CELF2: variants seen among roughly 807,000 people sequenced by gnomAD.
CELF2 encodes CUG triplet repeat RNA-binding protein 2.
Under a neutral mutation model 62.6 loss-of-function variants are expected in CELF2, and 8 were observed. That is an observed-to-expected ratio of 0.13 (90% CI 0.07 to 0.23). The LOEUF (loss-of-function observed/expected upper bound fraction) is 0.23, where lower values mean the gene tolerates loss of function less well. CELF2 is among the 10% of genes least tolerant of loss of function. CELF2 has a pLI of 1.00. For missense variants in CELF2, 333 were observed against 671.0 expected, an observed-to-expected ratio of 0.50 and a Z score of 5.56; for synonymous variants, 258 against 250.0, an observed-to-expected ratio of 1.03 and a Z score of -0.30.
At chr10:10,962,039 G>A (rs1450463505) in intron 2 of CELF2, among the ~76,000 whole-genome samples, 1 of 151,910 alleles carries the variant, frequency 6.6e-6, no homozygotes, top group Non-Finnish European at 1.5e-5. Flanking sequence ...ACCAGCCTGG[G>A]CAACATTATA....
the CELF2 span, among the ~76,000 whole-genome samples, chr10:10,658,899 A>G: frequency 4.3e-3 from 657 of 152,258 alleles, 5 homozygotes; most frequent in African/African-American, 0.015. Context: ...TTTTAGAATT[A>G]CAGAAACTAC....
chr10:11,094,359 T>G (rs2142090673), intron 1 of CELF2, among the ~76,000 whole-genome samples: 1 of 152,360 alleles, frequency 6.6e-6, no homozygotes, highest in Middle Eastern at 3.4e-3. Context: ...ATAGAGGTTC[T>G]GGTTACTAGG....
At chr10:11,196,804 A>G (rs755295367) in intron 2 of CELF2, among the ~76,000 whole-genome samples, 17 of 151,568 alleles carry the variant, frequency 1.1e-4, no homozygotes, top group Non-Finnish European at 2.1e-4. Flanking sequence ...AAAAAATACA[A>G]AAATTAGCCA....
At chr10:10,575,734 A>G in the CELF2 span, among the ~76,000 whole-genome samples, 1 of 152,238 alleles carries the variant, frequency 6.6e-6, no homozygotes, top group African/African-American at 2.4e-5. Context: ...AATAGATGAT[A>G]AAAGCTAGAA....
In CELF2 at chr10:10,993,312, A is replaced by G. The variant is rs1045864572; in HGVS notation, c.89+73313A>G. 1.3e-5 allele frequency among the ~76,000 whole-genome samples: 2 copies of G among 152,054 alleles called. No individual in the cohort carries two copies. The highest frequency in any genetic ancestry group is 6.6e-5 in the Admixed American group (1 of 15,258). ...CATTTGACTCATTACAAAGGCTTTGACTCATTTCAAAGCCATCACAAGAGG... is the reference window on the plus strand; with the variant it reads ...CATTTGACTCATTACAAAGGCTTTGGCTCATTTCAAAGCCATCACAAGAGG... On this transcript the variant is annotated intron_variant, in intron 2 of 13. Transcript: ENST00000636488. This position sits in a 1 kb window ranked among gnomAD's most constrained non-coding sequence, Gnocchi z 5.3.
At chr10:10,902,934 G>A (rs2063048402) in intron 1 of CELF2, among the ~76,000 whole-genome samples, 1 of 141,256 alleles carries the variant, frequency 7.1e-6, no homozygotes, top group African/African-American at 2.6e-5. Context: ...GGGAAAAGCG[G>A]GAGGAAGGAA....
At position 11,242,091 on chromosome 10, in the gene CELF2, T is replaced by A. The variant is rs2136947644; in HGVS notation, c.355-7062T>A. 6.6e-6 allele frequency among the ~76,000 whole-genome samples: 1 copy of A among 152,300 alleles called. No individual in the cohort carries two copies. Among genetic ancestry groups the A allele is most frequent in the East Asian group, 1.9e-4 (1 of 5,192 alleles). On this transcript the variant is annotated intron_variant, in intron 3 of 12. Coordinates refer to ENST00000633077, the MANE Select transcript of CELF2 (RefSeq NM_001326342.2). The surrounding 1 kb of genome is among the most constrained non-coding windows in gnomAD (Gnocchi z 4.8). ...TAGCTCTTTCGTGAATTCACTTCTT[T>A]CCATCCCCTCTCTCTACTTTTAAAT...
intron 2 of CELF2, among the ~76,000 whole-genome samples, chr10:11,192,415 T>A (rs2076480198): frequency 6.6e-6 from 1 of 152,220 alleles, no homozygotes; most frequent in Admixed American, 6.5e-5. Flanking sequence ...CATGGCACTG[T>A]GTGCCACCAC....
At chr10:10,909,705 G>A (rs1347885322) in intron 1 of CELF2, among the ~76,000 whole-genome samples, 3 of 152,202 alleles carry the variant, frequency 2.0e-5, no homozygotes, top group Non-Finnish European at 4.4e-5. Flanking sequence ...CTTGATATCT[G>A]TTTCAGCAAA....
chr10:10,830,846 C>T (rs1002578259), intron 1 of CELF2, among the ~76,000 whole-genome samples: 1 of 152,170 alleles, frequency 6.6e-6, no homozygotes, highest in African/African-American at 2.4e-5. Flanking sequence ...AAATATATTA[C>T]AAAACTGTGT....
intron 1 of CELF2, among the ~76,000 whole-genome samples, chr10:11,044,485 A>G (rs931131618): frequency 6.6e-6 from 1 of 152,262 alleles, no homozygotes; most frequent in African/African-American, 2.4e-5. Context: ...GTACGTATCA[A>G]TTTGTGTGAA....
chr10:10,633,932 A>G, the CELF2 span, among the ~76,000 whole-genome samples: 3 of 152,006 alleles, frequency 2.0e-5, no homozygotes, highest in Admixed American at 6.5e-5. Flanking sequence ...TAAATTTCTA[A>G]CCTGTTTAAT....
At chr10:10,837,412 A>G (rs1045066316) in intron 1 of CELF2, among the ~76,000 whole-genome samples, 5 of 152,192 alleles carry the variant, frequency 3.3e-5, no homozygotes, top group African/African-American at 4.8e-5. Flanking sequence ...TTTTCTTTAT[A>G]AATGACCCAG....
intron 2 of CELF2, among the ~76,000 whole-genome samples, chr10:11,192,207 C>G (rs560231906): frequency 6.7e-4 from 102 of 152,296 alleles, no homozygotes; most frequent in African/African-American, 1.8e-3. Context: ...AGCACAGCCC[C>G]AAAATACTTC....
chr10:11,105,708 T>A (rs2053226829), intron 1 of CELF2, among the ~76,000 whole-genome samples: 2 of 152,238 alleles, frequency 1.3e-5, no homozygotes, highest in Non-Finnish European at 2.9e-5. Context: ...TCTGCAGCTG[T>A]GTGCTCTAGC....
At chr10:10,890,131 C>T (rs185967473) in intron 1 of CELF2, among the ~76,000 whole-genome samples, 60 of 152,198 alleles carry the variant, frequency 3.9e-4, no homozygotes, top group Non-Finnish European at 8.8e-5. Context: ...TGACTTTTTT[C>T]TCTTTAGTTC....
chr10:10,774,111 A>G, the CELF2 span, among the ~76,000 whole-genome samples: 18 of 152,320 alleles, frequency 1.2e-4, no homozygotes, highest in East Asian at 3.5e-3. Context: ...AACTTCCTTA[A>G]GAGATTTCCA....
At chr10:10,723,291 C>T in the CELF2 span, among the ~76,000 whole-genome samples, 1 of 152,126 alleles carries the variant, frequency 6.6e-6, no homozygotes, top group African/African-American at 2.4e-5. Context: ...TCAACTATGT[C>T]TTGACTTTTG....
At chr10:11,070,132 A>C (rs184603654) in intron 1 of CELF2, among the ~76,000 whole-genome samples, 8,831 of 152,152 alleles carry the variant, frequency 0.058, 871 homozygotes, top group African/African-American at 0.2. Context: ...AAAGTAAAAA[A>C]ATAAAAGAGG....
Sources: gnomAD v4.1 joint callset for allele counts (sites outside exome capture counted in the v4.1 genomes callset) on GRCh38, gnomAD v4.1.1 for gene constraint, Gnocchi (gnomAD v3.1) non-coding constraint, MANE v1.5 for transcripts, NCBI Gene and HGNC (gene_info 2026-07-23, HGNC 2026-07-21) for gene names.